ITGA8: variants seen among roughly 807,000 people sequenced by gnomAD.
The protein encoded by ITGA8 is integrin alpha-8.
A neutral mutation model predicts 142.3 loss-of-function variants in ITGA8; 91 were observed. The observed-to-expected ratio is 0.64, with a 90% CI of 0.54 to 0.76. ITGA8 has a LOEUF of 0.76. Among genes scored for constraint, ITGA8 ranks in the 30% least tolerant of loss-of-function variants. ITGA8 has a pLI of 0.00. For synonymous variants in ITGA8, 505 were observed against 485.2 expected (o/e 1.04, Z -0.54); for missense variants, 1,406 against 1,327.7 (o/e 1.06, Z -0.92).
chr10:15,577,090 A>G (rs1201639256), intron 23 of ITGA8, among the ~76,000 whole-genome samples: 2 of 152,146 alleles, frequency 1.3e-5, no homozygotes, highest in Non-Finnish European at 2.9e-5. Flanking sequence ...CAGCTTGGCA[A>G]CAGAGAGTTG....
At chr10:15,656,705 T>C (rs761809431) in intron 10 of ITGA8, among the ~76,000 whole-genome samples, 1 of 152,096 alleles carries the variant, frequency 6.6e-6, no homozygotes, top group Non-Finnish European at 1.5e-5. Flanking sequence ...TAAACCTATG[T>C]TTTTGGATTT....
intron 23 of ITGA8, among the ~76,000 whole-genome samples, chr10:15,579,023 C>T (rs1834353075): frequency 6.6e-6 from 1 of 152,092 alleles, no homozygotes; most frequent in South Asian, 2.1e-4. Context: ...TAAAAAACTG[C>T]TTAAAATAAT....
intron 3 of ITGA8, among the ~76,000 whole-genome samples, chr10:15,686,440 C>T (rs1834834004): frequency 6.6e-6 from 1 of 152,214 alleles, no homozygotes; most frequent in African/African-American, 2.4e-5. Context: ...ACTGGCCTCA[C>T]CTTCTGTTTC....
intron 15 of ITGA8, 33 bp from the exon 16 acceptor site, chr10:15,608,323 A>G: frequency 7.1e-7 from 1 of 1,406,906 alleles, no homozygotes; most frequent in Non-Finnish European, 9.8e-7. Flanking sequence ...ATTGGTTAAT[A>G]AAGTTTTGAA....
chr10:15,540,213 C>T (rs1833540969), intron 27 of ITGA8, among the ~76,000 whole-genome samples: 1 of 152,220 alleles, frequency 6.6e-6, no homozygotes, highest in Non-Finnish European at 1.5e-5. Flanking sequence ...AATCTCCCCA[C>T]TGTACTACTG....
At chr10:15,569,430 C>T (rs1171073129) in intron 25 of ITGA8, among the ~76,000 whole-genome samples, 1 of 152,122 alleles carries the variant, frequency 6.6e-6, no homozygotes, top group African/African-American at 2.4e-5. Flanking sequence ...ACTGTAGAAC[C>T]AAATAATCAG....
At chr10:15,628,395 C>A (rs1247885044) in intron 13 of ITGA8, among the ~76,000 whole-genome samples, 1 of 131,838 alleles carries the variant, frequency 7.6e-6, no homozygotes, top group Admixed American at 9.0e-5. Context: ...ATGCAGTGGC[C>A]GATCTCTGCT....
At chr10:15,646,439 C>T (rs1181043682) in intron 12 of ITGA8, among the ~76,000 whole-genome samples, 1 of 152,120 alleles carries the variant, frequency 6.6e-6, no homozygotes, top group Admixed American at 6.6e-5. Context: ...CAAACCATTA[C>T]CTGGAGCTCT....
At chr10:15,598,336 A>T (rs1833042730) in intron 20 of ITGA8, among the ~76,000 whole-genome samples, 1 of 152,068 alleles carries the variant, frequency 6.6e-6, no homozygotes, top group Admixed American at 6.6e-5. Context: ...ATTTTATTTT[A>T]TTTTTTATTT....
intron 17 of ITGA8, among the ~76,000 whole-genome samples, chr10:15,607,393 G>A (rs925128815): frequency 2.0e-5 from 3 of 152,222 alleles, no homozygotes; most frequent in Admixed American, 6.5e-5. Context: ...ATGTATTTTG[G>A]GGAGGAGGTG....
intron 11 of ITGA8, among the ~76,000 whole-genome samples, chr10:15,653,566 T>G (rs1438632959): frequency 6.6e-6 from 1 of 152,174 alleles, no homozygotes; most frequent in African/African-American, 2.4e-5. Context: ...TCTATGGGTT[T>G]TAACAAATAT....
intron 23 of ITGA8, among the ~76,000 whole-genome samples, chr10:15,580,886 A>G (rs906296816): frequency 4.6e-5 from 7 of 152,230 alleles, no homozygotes; most frequent in Non-Finnish European, 1.0e-4. Flanking sequence ...GTCTCTTTTT[A>G]CCGCTTCTAT....
At chr10:15,519,439 C>T in intron 28 of ITGA8, 27 bp from the exon 29 acceptor site, 1 of 1,611,882 alleles carries the variant, frequency 6.2e-7, no homozygotes, top group Non-Finnish European at 8.5e-7. Context: ...AGCAAATGAG[C>T]TCTAATGCGA....
In ITGA8 at chr10:15,575,522, C is replaced by T. The variant is rs112914197; in HGVS notation, c.2445G>A (p.Glu815=). 4.3e-6 allele frequency: 7 copies of T among 1,614,028 alleles called. No individual in the cohort carries two copies. The Admixed American group carries it at 5.0e-5, about 12-fold the overall frequency. ...WEPEEEPHKE[E]EVGPLVEHIY... ...TATGTTCCACCAATGGTCCAACCTC[C>T]TCCTCTTTGTGGGGCTCCTCTTCTG... Residue 815 remains glutamate, a synonymous_variant, in exon 24 of 30, where the codon GAG becomes GAA. Transcript: ENST00000378076.
chr10:15,594,877 T>C (rs1412806023), intron 21 of ITGA8, among the ~76,000 whole-genome samples: 1 of 152,152 alleles, frequency 6.6e-6, no homozygotes, highest in Non-Finnish European at 1.5e-5. Flanking sequence ...CGATAGAGGC[T>C]ACCTAATGAT....
intron 20 of ITGA8, among the ~76,000 whole-genome samples, chr10:15,602,350 A>G (rs1833118459): frequency 3.3e-5 from 5 of 152,214 alleles, no homozygotes; most frequent in Admixed American, 3.3e-4. Flanking sequence ...ATTAAACACC[A>G]TTTTTATAAG....
chr10:15,639,548 G>C (rs1255386054), intron 13 of ITGA8, among the ~76,000 whole-genome samples: 1 of 152,196 alleles, frequency 6.6e-6, no homozygotes, highest in African/African-American at 2.4e-5. Context: ...TCATTGCATG[G>C]TGTGGTGTGA....
At chr10:15,583,626 T>A (rs753494023) in intron 23 of ITGA8, among the ~76,000 whole-genome samples, 4 of 152,078 alleles carry the variant, frequency 2.6e-5, no homozygotes, top group Non-Finnish European at 5.9e-5. Flanking sequence ...CCCAATGACT[T>A]GCATAACATT....
intron 28 of ITGA8, among the ~76,000 whole-genome samples, chr10:15,519,800 T>A (rs773495183): frequency 6.6e-6 from 1 of 152,150 alleles, no homozygotes; most frequent in African/African-American, 2.4e-5. Flanking sequence ...TGTGTCTCCT[T>A]AGAACTCAGC....
Sources: gnomAD v4.1 joint callset for allele counts (sites outside exome capture counted in the v4.1 genomes callset) on GRCh38, gnomAD v4.1.1 for gene constraint, MANE v1.5 for transcripts, NCBI Gene and HGNC (gene_info 2026-07-23, HGNC 2026-07-21) for gene names.